HCN1: variants seen among roughly 807,000 people sequenced by gnomAD.
The protein encoded by HCN1 is hyperpolarization activated cyclic nucleotide gated potassium channel 1.
A neutral mutation model predicts 78.9 loss-of-function variants in HCN1; 13 were observed. The observed-to-expected ratio is 0.16, with a 90% CI of 0.11 to 0.26. The LOEUF is 0.26. HCN1 is among the 10% of genes least tolerant of loss of function. The pLI, the probability that HCN1 is intolerant of heterozygous loss-of-function variation, is 1.00. For missense variants in HCN1, 810 were observed against 1,154.3 expected, an observed-to-expected ratio of 0.70 and a Z score of 4.32; for synonymous variants, 552 against 455.5, an observed-to-expected ratio of 1.21 and a Z score of -2.70.
rs1185694010 is a variant in HCN1, at chr5:45,351,273, G to C, written c.1377+1827C>G. Among the ~76,000 whole-genome samples, 3 of 150,346 alleles carry C rather than the reference G, an allele frequency of 2.0e-5. No individual in the cohort carries two copies. The East Asian group carries it at 5.8e-4, about 29-fold the overall frequency. Reference sequence around the variant, plus strand: ...CAAACCTGAGAAAAACAAGCAATGGGGAAAGGATTCCCTATTTAATAAATG... The same window carrying C: ...CAAACCTGAGAAAAACAAGCAATGGCGAAAGGATTCCCTATTTAATAAATG... On this transcript the variant is annotated intron_variant, in intron 5 of 7. Coordinates refer to ENST00000303230, the MANE Select transcript of HCN1 (RefSeq NM_021072.4).
intron 1 of HCN1, among the ~76,000 whole-genome samples, chr5:45,649,296 T>C (rs1233940340): frequency 6.6e-6 from 1 of 152,004 alleles, no homozygotes; most frequent in Non-Finnish European, 1.5e-5. Flanking sequence ...TGGAAAACTT[T>C]AACTGAGTGT....
chr5:45,300,907 C>G (rs575370345), intron 6 of HCN1, among the ~76,000 whole-genome samples: 1 of 151,998 alleles, frequency 6.6e-6, no homozygotes, highest in Non-Finnish European at 1.5e-5. Flanking sequence ...AATGAGACAA[C>G]ACAGAATCAT....
At chr5:45,299,111 A>G (rs1745555956) in intron 6 of HCN1, among the ~76,000 whole-genome samples, 1 of 152,052 alleles carries the variant, frequency 6.6e-6, no homozygotes, top group Non-Finnish European at 1.5e-5. Flanking sequence ...TTTAATGATT[A>G]AAAGTAGCCA....
intron 6 of HCN1, among the ~76,000 whole-genome samples, chr5:45,298,346 C>T (rs1369215554): frequency 6.6e-6 from 1 of 151,984 alleles, no homozygotes; most frequent in Non-Finnish European, 1.5e-5. Context: ...CAGGGCTTTC[C>T]AGATCTTTAT....
intron 1 of HCN1, among the ~76,000 whole-genome samples, chr5:45,668,563 T>G (rs1213568245): frequency 6.6e-6 from 1 of 151,950 alleles, no homozygotes; most frequent in Admixed American, 6.6e-5. Context: ...GAAAACGGAC[T>G]GATACAGTCA....
intron 4 of HCN1, among the ~76,000 whole-genome samples, chr5:45,371,770 T>C (rs1163916459): frequency 7.1e-6 from 1 of 141,828 alleles, no homozygotes; most frequent in Non-Finnish European, 1.5e-5. Context: ...AAAAAAAATA[T>C]ATATATATAT....
chr5:45,369,477 G>T (rs1747304193), intron 4 of HCN1, among the ~76,000 whole-genome samples: 1 of 151,988 alleles, frequency 6.6e-6, no homozygotes, highest in Admixed American at 6.6e-5. Flanking sequence ...GCCTTTCATG[G>T]CCTATCCTAT....
chr5:45,688,368 T>C (rs558264043), intron 1 of HCN1, among the ~76,000 whole-genome samples: 4 of 152,136 alleles, frequency 2.6e-5, no homozygotes, highest in Non-Finnish European at 4.4e-5. Context: ...TATGTCACCA[T>C]GTTCACGCTA....
At chr5:45,288,401 C>G (rs575884043) in intron 6 of HCN1, among the ~76,000 whole-genome samples, 92 of 152,072 alleles carry the variant, frequency 6.0e-4, no homozygotes, top group African/African-American at 2.0e-3. Context: ...GCCAAACAAC[C>G]TGGCAAAAAA....
intron 4 of HCN1, among the ~76,000 whole-genome samples, chr5:45,389,935 A>G (rs1362831093): frequency 6.6e-6 from 1 of 152,132 alleles, no homozygotes; most frequent in Non-Finnish European, 1.5e-5. Flanking sequence ...ATAATGTACA[A>G]TCTCATCATT....
chr5:45,435,630 T>C (rs1236602407), intron 3 of HCN1, among the ~76,000 whole-genome samples: 2 of 152,104 alleles, frequency 1.3e-5, no homozygotes, highest in African/African-American at 4.8e-5. Flanking sequence ...ACACTTGCCA[T>C]ACATAACACT....
chr5:45,424,145 T>G lies in HCN1; in HGVS notation c.1012-27435A>C, dbSNP rs1270569030. 4.4e-5 allele frequency among the ~76,000 whole-genome samples: 6 copies of G among 134,924 alleles called. No homozygotes were observed. In the East Asian group the frequency reaches 1.3e-3, roughly 30 times the overall value. 88.5% of individuals were successfully genotyped at this position (134,924 alleles called of 152,430 possible). A position where few individuals can be genotyped will look rare whatever the true frequency, so the allele number is the denominator to read the frequency against. Reference sequence around the variant, plus strand: ...AAAAAAAAAAAAAAAAAAAAAAAATTAGCCAGGCTTGGTGGCGGGCACCTG... The same window carrying G: ...AAAAAAAAAAAAAAAAAAAAAAAATGAGCCAGGCTTGGTGGCGGGCACCTG... On this transcript the variant is annotated intron_variant, in intron 3 of 7. Coordinates refer to ENST00000303230, the MANE Select transcript of HCN1 (RefSeq NM_021072.4).
chr5:45,637,515 C>T (rs1745378075), intron 2 of HCN1, among the ~76,000 whole-genome samples: 1 of 150,500 alleles, frequency 6.6e-6, no homozygotes, highest in Non-Finnish European at 1.5e-5. Context: ...TGTAAAGGCA[C>T]AGATTTAGAG....
intron 4 of HCN1, among the ~76,000 whole-genome samples, chr5:45,381,811 C>T (rs1279458096): frequency 1.3e-5 from 2 of 151,902 alleles, no homozygotes; most frequent in Non-Finnish European, 2.9e-5. Context: ...CCTAACTGGA[C>T]CTACACCCCA....
intron 5 of HCN1, among the ~76,000 whole-genome samples, chr5:45,328,479 A>G (rs1746278705): frequency 6.6e-6 from 1 of 151,612 alleles, no homozygotes; most frequent in South Asian, 2.1e-4. Flanking sequence ...TCTAAATACA[A>G]GCTGAGGTAG....
intron 4 of HCN1, among the ~76,000 whole-genome samples, chr5:45,376,141 TATTA>T (rs1425044369): frequency 6.7e-4 from 73 of 109,014 alleles, no homozygotes; most frequent in Non-Finnish European, 1.1e-3. Context: ...AAATATAATA[TATTA>T]TATATAATAT....
intron 1 of HCN1, among the ~76,000 whole-genome samples, chr5:45,670,854 G>GT (rs1350885416): frequency 1.3e-5 from 2 of 151,532 alleles, no homozygotes; most frequent in African/African-American, 4.8e-5. Context: ...TCTAAGATCA[G>GT]TTTTTACTAA....
intron 4 of HCN1, among the ~76,000 whole-genome samples, chr5:45,379,609 ATTTGTG>A (rs1747763412): frequency 6.6e-6 from 1 of 152,100 alleles, no homozygotes; most frequent in East Asian, 1.9e-4. Context: ...TGAAACTTCT[ATTTGTG>A]TTTTTCTGCT....
chr5:45,342,409 T>G, intron 5 of HCN1, among the ~76,000 whole-genome samples: 1 of 150,920 alleles, frequency 6.6e-6, no homozygotes, highest in South Asian at 2.1e-4. Context: ...TTTTTTTTTT[T>G]GTATTTTTTA....
Sources: gnomAD v4.1 joint callset for allele counts (sites outside exome capture counted in the v4.1 genomes callset) on GRCh38, gnomAD v4.1.1 for gene constraint, MANE v1.5 for transcripts, NCBI Gene and HGNC (gene_info 2026-07-23, HGNC 2026-07-21) for gene names.